The following EFR3A variants were observed in gnomAD, a reference collection of about 807,000 sequenced individuals.
EFR3A encodes the protein EFR3 homolog A.
EFR3A carries 76 observed loss-of-function variants against 104.4 expected under a neutral mutation model. The observed-to-expected ratio is 0.73, with a 90% confidence interval of 0.60 to 0.88. The LOEUF (loss-of-function observed/expected upper bound fraction) is 0.88, where lower values mean the gene tolerates loss of function less well. Ranked by LOEUF, EFR3A falls within the 40% of genes least tolerant of loss-of-function variation. EFR3A has a pLI of 0.00. For synonymous variants in EFR3A, 330 were observed against 330.0 expected (o/e 1.00, Z 0.00); for missense variants, 985 against 1,012.5 (o/e 0.97, Z 0.37).
chr8:131,907,544 A>G (rs956514991), intron 1 of EFR3A, among the ~76,000 whole-genome samples: 3 of 152,214 alleles, frequency 2.0e-5, no homozygotes, highest in African/African-American at 7.2e-5. Context: ...CTTAGGCTGT[A>G]ATAATAATAT....
At chr8:131,982,076 A>T (rs1288528113) in intron 14 of EFR3A, among the ~76,000 whole-genome samples, 1 of 152,148 alleles carries the variant, frequency 6.6e-6, no homozygotes, top group Admixed American at 6.6e-5. Context: ...TATAACCAAA[A>T]GCATCCCACA....
At chr8:131,974,322 G>A (rs1232078853) in intron 10 of EFR3A, among the ~76,000 whole-genome samples, 1 of 152,152 alleles carries the variant, frequency 6.6e-6, no homozygotes, top group South Asian at 2.1e-4. Context: ...TTGAATACAG[G>A]GAAGTATGAT....
Position 131,925,595 on chromosome 8 carries a change from C to T in EFR3A, c.11-14904C>T, listed in dbSNP as rs541253252. Among the ~76,000 whole-genome samples the T allele has an allele frequency of 2.8e-4, 43 of 152,162 alleles. 1 individual carries two copies. The highest frequency in any genetic ancestry group is 9.6e-4 in the African/African-American group (40 of 41,552). Reference sequence around the variant, plus strand: ...AAAAATGATACAAATATACTGGCTTCTGCAAAAATCTGAATGAGGAAGTTC... The same window carrying T: ...AAAAATGATACAAATATACTGGCTTTTGCAAAAATCTGAATGAGGAAGTTC... On this transcript the variant is annotated intron_variant, in intron 1 of 22. Coordinates refer to ENST00000254624, the MANE Select transcript of EFR3A (RefSeq NM_015137.6).
At chr8:131,925,097 C>T (rs942713380) in intron 1 of EFR3A, among the ~76,000 whole-genome samples, 2 of 152,002 alleles carry the variant, frequency 1.3e-5, no homozygotes, top group South Asian at 2.1e-4. Context: ...AGTCTTAGTT[C>T]CTTAGTCTAA....
At chr8:131,944,646 A>G in intron 2 of EFR3A, 99 bp from the exon 3 acceptor site, 3 of 1,199,914 alleles carry the variant, frequency 2.5e-6, no homozygotes, top group Non-Finnish European at 3.4e-6. Context: ...ATATCGTTTA[A>G]TCCCCAATCC....
chr8:131,976,971 C>T, intron 11 of EFR3A, 70 bp from the exon 12 acceptor site: 1 of 1,060,022 alleles, frequency 9.4e-7, no homozygotes. Context: ...ATTTTAAAAT[C>T]AGTAATTGAA....
At chr8:131,904,480 C>G (rs1816141969) in intron 1 of EFR3A, among the ~76,000 whole-genome samples, 158 bp downstream of exon 1, 1 of 152,362 alleles carries the variant, frequency 6.6e-6, no homozygotes, top group Non-Finnish European at 1.5e-5. Flanking sequence ...TTCGGCTTAG[C>G]CTTCCGGAGA....
In EFR3A at chr8:131,948,137, A is replaced by G. The variant is rs536294455; in HGVS notation, c.366+1504A>G. 3.9e-5 allele frequency among the ~76,000 whole-genome samples: 6 copies of G among 152,058 alleles called. No homozygotes were observed. In the South Asian group the frequency reaches 6.2e-4, roughly 16 times the overall value. ...TCAGAGTTTTAATAAAAAAAATCATATATTACCTGCTATTGTTTATGGATA... is the reference window on the plus strand; with the variant it reads ...TCAGAGTTTTAATAAAAAAAATCATGTATTACCTGCTATTGTTTATGGATA... On this transcript the variant is annotated intron_variant, in intron 4 of 22. Transcript: ENST00000254624.
At chr8:131,973,370 A>G (rs1324270502) in intron 10 of EFR3A, among the ~76,000 whole-genome samples, 1 of 152,120 alleles carries the variant, frequency 6.6e-6, no homozygotes, top group Non-Finnish European at 1.5e-5. Context: ...GAATTGATTT[A>G]CATTGCTTTA....
chr8:131,981,992 A>G (rs569086046), intron 14 of EFR3A, among the ~76,000 whole-genome samples: 2 of 152,268 alleles, frequency 1.3e-5, no homozygotes, highest in East Asian at 3.9e-4. Context: ...AATTATGTCA[A>G]AAAGAGTACT....
chr8:131,994,443 C>T (rs1408330063), intron 18 of EFR3A, among the ~76,000 whole-genome samples: 8 of 152,114 alleles, frequency 5.3e-5, no homozygotes, highest in Non-Finnish European at 1.0e-4. Context: ...TGAGCAGGCC[C>T]TTCCATTTAT....
chr8:131,929,891 G>T (rs887705064), intron 1 of EFR3A, among the ~76,000 whole-genome samples: 1 of 152,160 alleles, frequency 6.6e-6, no homozygotes, highest in African/African-American at 2.4e-5. Context: ...CTGGGTTGGA[G>T]AATGCATCTT....
Position 131,904,157 on chromosome 8 carries a change from A to T in EFR3A, c.-156A>T. On this transcript the variant is annotated 5_prime_UTR_variant, in exon 1 of 23. Coordinates refer to ENST00000254624, the MANE Select transcript of EFR3A (RefSeq NM_015137.6). ...TAGCTGTCGCCCGCTTGGTTGCGTG[A>T]CCGCGGGGTCCGCGTCCGCTCCCTC... is the stretch of plus-strand genomic sequence containing the variant. The T allele has an allele frequency of 2.2e-6, 2 of 891,196 alleles. No individual in the cohort carries two copies. The highest frequency in any genetic ancestry group is 1.7e-5 in the African/African-American group (1 of 57,432). 55.2% of individuals were successfully genotyped at this position (891,196 alleles called of 1,614,324 possible). A position where few individuals can be genotyped will look rare whatever the true frequency, so the allele number is the denominator to read the frequency against.
chr8:131,992,126 A>C (rs1375360253), intron 18 of EFR3A, among the ~76,000 whole-genome samples: 1 of 152,148 alleles, frequency 6.6e-6, no homozygotes, highest in Non-Finnish European at 1.5e-5. Flanking sequence ...CTTTGAGAGA[A>C]GCCCTTATTT....
At chr8:131,945,080 CTA>C (rs1463132891) in intron 3 of EFR3A, among the ~76,000 whole-genome samples, 1 of 151,864 alleles carries the variant, frequency 6.6e-6, no homozygotes, top group Non-Finnish European at 1.5e-5. Flanking sequence ...TGTGAGTAGA[CTA>C]TGTTAGTTAA....
intron 3 of EFR3A, 138 bp from the exon 4 acceptor site, chr8:131,946,345 T>A: frequency 1.4e-6 from 1 of 723,658 alleles, no homozygotes; most frequent in Non-Finnish European, 2.0e-6. Context: ...GAATTAAGAT[T>A]TTACTTAGGA....
intron 12 of EFR3A, among the ~76,000 whole-genome samples, chr8:131,977,528 A>G (rs1820386322): frequency 6.6e-6 from 1 of 152,186 alleles, no homozygotes; most frequent in South Asian, 2.1e-4. Flanking sequence ...AATATTTGCC[A>G]TTTAAAATTT....
chr8:131,945,405 C>T (rs1468521055), intron 3 of EFR3A, among the ~76,000 whole-genome samples: 2 of 151,960 alleles, frequency 1.3e-5, no homozygotes, highest in African/African-American at 2.4e-5. Context: ...CTACTGTATT[C>T]TCTGTGCTCA....
intron 18 of EFR3A, among the ~76,000 whole-genome samples, chr8:131,994,428 C>A (rs892357831): frequency 1.4e-4 from 21 of 152,094 alleles, no homozygotes; most frequent in Non-Finnish European, 1.3e-4. Flanking sequence ...TCTGAGCCTG[C>A]AATATGAGCA....
Sources: allele counts gnomAD v4.1 joint callset (sites outside exome capture counted in the v4.1 genomes callset), GRCh38; gene constraint gnomAD v4.1.1; transcripts MANE v1.5; gene names NCBI Gene and HGNC (gene_info 2026-07-23, HGNC 2026-07-21).